The following PLPP3 variants were observed in gnomAD, a reference collection of about 807,000 sequenced individuals.
PLPP3 encodes phospholipid phosphatase 3, also known as PAP2 beta.
In PLPP3, 6 loss-of-function variants were observed where a neutral mutation model predicts 29.6. The observed-to-expected ratio is 0.20, with a 90% confidence interval of 0.11 to 0.40. The LOEUF (loss-of-function observed/expected upper bound fraction) is 0.40. Ranked by LOEUF, PLPP3 falls within the 10% of genes least tolerant of loss-of-function variation. PLPP3 has a pLI of 1.00. For synonymous variants in PLPP3, 152 were observed against 159.7 expected, an observed-to-expected ratio of 0.95 and a Z score of 0.36; for missense variants, 308 against 407.7, an observed-to-expected ratio of 0.76 and a Z score of 2.11.
intron 5 of PLPP3, among the ~76,000 whole-genome samples, chr1:56,506,353 C>T (rs1432771085): frequency 6.6e-6 from 1 of 152,214 alleles, no homozygotes; most frequent in Non-Finnish European, 1.5e-5. Flanking sequence ...CTTCTTCACA[C>T]TGGCATTCTT....
At chr1:56,572,330 G>A (rs1281050282) in intron 1 of PLPP3, among the ~76,000 whole-genome samples, 2 of 152,080 alleles carry the variant, frequency 1.3e-5, no homozygotes, top group African/African-American at 2.4e-5. Flanking sequence ...GATTACAGGC[G>A]TGAGCCACCA....
At chr1:56,520,346 T>C (rs1176155121) in intron 4 of PLPP3, among the ~76,000 whole-genome samples, 3 of 152,008 alleles carry the variant, frequency 2.0e-5, no homozygotes, top group Non-Finnish European at 2.9e-5. Flanking sequence ...GACCCAAATG[T>C]GATTCTCCCC....
chr1:56,535,870 T>G (rs1278693601), intron 2 of PLPP3, among the ~76,000 whole-genome samples: 2 of 152,238 alleles, frequency 1.3e-5, no homozygotes, highest in Non-Finnish European at 2.9e-5. Context: ...ATTATGGCAT[T>G]CATTTGATTC....
chr1:56,531,825 T>C (rs765460177), intron 2 of PLPP3, among the ~76,000 whole-genome samples: 1 of 152,130 alleles, frequency 6.6e-6, no homozygotes, highest in Non-Finnish European at 1.5e-5. Context: ...ATGTGGTAAA[T>C]AATAGCAACC....
intron 5 of PLPP3, among the ~76,000 whole-genome samples, chr1:56,510,983 A>C (rs964995567): frequency 1.1e-4 from 17 of 152,202 alleles, no homozygotes; most frequent in Non-Finnish European, 5.9e-5. Flanking sequence ...AAAGGATAAG[A>C]AGCTGGTTTA....
chr1:56,571,433 C>A (rs1244668214), intron 1 of PLPP3, among the ~76,000 whole-genome samples: 1 of 152,152 alleles, frequency 6.6e-6, no homozygotes, highest in South Asian at 2.1e-4. Context: ...TCCAGTCTGA[C>A]TCCAAAGCCC....
intron 1 of PLPP3, among the ~76,000 whole-genome samples, chr1:56,542,259 AGACT>A (rs1645976093): frequency 6.6e-6 from 1 of 152,198 alleles, no homozygotes; most frequent in Admixed American, 6.5e-5. Flanking sequence ...AAAAAAACAC[AGACT>A]AAGTTTTTGT....
At chr1:56,511,940 G>A in intron 5 of PLPP3, 36 bp downstream of exon 5, 6 of 1,608,880 alleles carry the variant, frequency 3.7e-6, no homozygotes, top group Non-Finnish European at 5.1e-6. Context: ...ACAGTCCAGG[G>A]CTCCACTTGC....
intron 1 of PLPP3, among the ~76,000 whole-genome samples, chr1:56,546,477 G>GTA (rs898709340): frequency 1.2e-4 from 19 of 152,154 alleles, no homozygotes; most frequent in South Asian, 4.1e-4. Flanking sequence ...CATTAGACAT[G>GTA]TATATATATG....
intron 1 of PLPP3, among the ~76,000 whole-genome samples, chr1:56,564,947 C>T (rs1222772090): frequency 1.3e-5 from 2 of 149,898 alleles, no homozygotes; most frequent in African/African-American, 5.0e-5. Flanking sequence ...TCTCTCTGAT[C>T]ATATGTGTGT....
intron 4 of PLPP3, among the ~76,000 whole-genome samples, chr1:56,518,168 T>G (rs991010566): frequency 6.6e-6 from 1 of 152,096 alleles, no homozygotes; most frequent in African/African-American, 2.4e-5. Context: ...AGGAAAAACA[T>G]CTGGTACAGA....
At chr1:56,574,749 C>A (rs992831208) in intron 1 of PLPP3, among the ~76,000 whole-genome samples, 2 of 152,200 alleles carry the variant, frequency 1.3e-5, no homozygotes, top group Admixed American at 1.3e-4. Flanking sequence ...TTAACACCAA[C>A]TTAAGCTAAT....
chr1:56,554,239 G>A (rs899153243), intron 1 of PLPP3, among the ~76,000 whole-genome samples: 2 of 152,024 alleles, frequency 1.3e-5, no homozygotes, highest in Admixed American at 6.5e-5. Context: ...CTGTAAAACA[G>A]GCTAGAATCA....
At chr1:56,573,332 GA>G (rs1646213150) in intron 1 of PLPP3, among the ~76,000 whole-genome samples, 1 of 152,178 alleles carries the variant, frequency 6.6e-6, no homozygotes, top group Admixed American at 6.5e-5. Context: ...CCATTCGGAA[GA>G]ATTCTTGCAA....
At chr1:56,573,329 G>C (rs1357993562) in intron 1 of PLPP3, among the ~76,000 whole-genome samples, 7 of 152,132 alleles carry the variant, frequency 4.6e-5, no homozygotes, top group Non-Finnish European at 1.0e-4. Flanking sequence ...TTTCCATTCG[G>C]AAGAATTCTT....
intron 4 of PLPP3, among the ~76,000 whole-genome samples, chr1:56,520,175 C>T (rs1352142073): frequency 6.6e-6 from 1 of 152,212 alleles, no homozygotes; most frequent in African/African-American, 2.4e-5. Flanking sequence ...GGCAACAACT[C>T]TGCAAAATAG....
rs139849778 is a variant in PLPP3, at chr1:56,529,458, G to A, written c.298-4904C>T. 1.1e-3 allele frequency among the ~76,000 whole-genome samples: 169 copies of A among 152,220 alleles called. 2 individuals are homozygous for A. Among genetic ancestry groups the A allele is most frequent in the African/African-American group, 3.7e-3 (155 of 41,532 alleles). ...GGGTCAAGTTGTTCTTTTACATCTC[G>A]GTTACATGAATTGATGAACTTCTTT... On this transcript the variant is annotated intron_variant, in intron 2 of 5. Coordinates refer to ENST00000371250, the MANE Select transcript of PLPP3 (RefSeq NM_003713.5).
intron 4 of PLPP3, among the ~76,000 whole-genome samples, chr1:56,521,584 A>G (rs1434191982): frequency 6.6e-6 from 1 of 151,956 alleles, no homozygotes; most frequent in Non-Finnish European, 1.5e-5. Flanking sequence ...TTATTTTTTT[A>G]AAGAGACAGG....
intron 4 of PLPP3, chr1:56,512,998 C>T (rs1191011588): frequency 2.6e-5 from 4 of 152,090 alleles, no homozygotes; most frequent in African/African-American, 7.2e-5. Flanking sequence ...ATTATATCCC[C>T]AATGAGATGC....
Sources: gnomAD v4.1 joint callset for allele counts (sites outside exome capture counted in the v4.1 genomes callset) on GRCh38, gnomAD v4.1.1 for gene constraint, MANE v1.5 for transcripts, NCBI Gene and HGNC (gene_info 2026-07-23, HGNC 2026-07-21) for gene names.